The following PDZRN4 variants were observed in gnomAD, a reference collection of about 807,000 sequenced individuals.
PDZRN4 encodes PDZ domain containing ring finger 4, also known as PDZ domain-containing RING finger protein 4.
In PDZRN4, 70 loss-of-function variants were observed where a neutral mutation model predicts 99.0. That is an observed-to-expected ratio of 0.71 (90% CI 0.58 to 0.86). The LOEUF (loss-of-function observed/expected upper bound fraction) is 0.86, where lower values mean the gene tolerates loss of function less well. Ranked by LOEUF, PDZRN4 falls within the 40% of genes least tolerant of loss-of-function variation. The probability of loss-of-function intolerance (pLI) is 0.00; values close to 1 mark genes in which losing one functional copy is unlikely to be tolerated. For synonymous variants in PDZRN4, 551 were observed against 501.6 expected (o/e 1.10, Z -1.32); for missense variants, 1,474 against 1,331.2 (o/e 1.11, Z -1.67).
At chr12:41,377,037 T>G (rs1221405185) in intron 3 of PDZRN4, among the ~76,000 whole-genome samples, 1 of 152,198 alleles carries the variant, frequency 6.6e-6, no homozygotes, top group East Asian at 1.9e-4. Flanking sequence ...TAGTTGACTA[T>G]ATATGCCTGG....
chr12:41,287,041 C>T (rs112179236), intron 3 of PDZRN4, among the ~76,000 whole-genome samples: 2,544 of 152,036 alleles, frequency 0.017, 73 homozygotes, highest in African/African-American at 0.059. Flanking sequence ...AACTAATGTC[C>T]GCAGAGGACC....
intron 3 of PDZRN4, among the ~76,000 whole-genome samples, chr12:41,408,834 T>C (rs1952369553): frequency 6.6e-6 from 1 of 152,012 alleles, no homozygotes; most frequent in African/African-American, 2.4e-5. Flanking sequence ...TCTCACTCTC[T>C]CGCACTCTCT....
chr12:41,511,412 G>A (rs1938302462), intron 5 of PDZRN4, among the ~76,000 whole-genome samples: 1 of 151,916 alleles, frequency 6.6e-6, no homozygotes, highest in Non-Finnish European at 1.5e-5. Context: ...GATGTCAGTG[G>A]TGAATTCTCA....
At chr12:41,416,235 G>C (rs1477842271) in intron 3 of PDZRN4, among the ~76,000 whole-genome samples, 2 of 152,168 alleles carry the variant, frequency 1.3e-5, no homozygotes, top group African/African-American at 4.8e-5. Context: ...TTAAAGTGTG[G>C]TAAGTAAATT....
At chr12:41,194,586 G>A (rs934263852) in intron 3 of PDZRN4, among the ~76,000 whole-genome samples, 1 of 152,216 alleles carries the variant, frequency 6.6e-6, no homozygotes, top group Non-Finnish European at 1.5e-5. Context: ...GGTCAAGGCT[G>A]TGGTGAGCTG....
intron 3 of PDZRN4, among the ~76,000 whole-genome samples, chr12:41,205,394 AAGGTTCTTAAGCTATTCAATG>A (rs368538986): frequency 2.2e-4 from 34 of 151,824 alleles, no homozygotes; most frequent in African/African-American, 7.7e-4. Flanking sequence ...GATAAAATGT[AAGGTTCTTAAGCTATTCAATG>A]AGGTCCTGCC....
intron 3 of PDZRN4, among the ~76,000 whole-genome samples, chr12:41,394,455 A>G (rs1952232101): frequency 6.6e-6 from 1 of 152,200 alleles, no homozygotes; most frequent in Admixed American, 6.5e-5. Context: ...TTAAGTTTCA[A>G]TTATTGCATA....
intron 3 of PDZRN4, among the ~76,000 whole-genome samples, chr12:41,301,864 G>A (rs1951538278): frequency 6.6e-6 from 1 of 152,006 alleles, no homozygotes; most frequent in South Asian, 2.1e-4. Context: ...GTGGTCTCAG[G>A]CAAGTTATTT....
chr12:41,429,454 T>C (rs549158551), intron 3 of PDZRN4, among the ~76,000 whole-genome samples: 65 of 152,312 alleles, frequency 4.3e-4, no homozygotes, highest in African/African-American at 1.5e-3. Context: ...ACCTGGAAGT[T>C]AATTTTAGAC....
At chr12:41,523,697 T>C (rs573676487) in intron 5 of PDZRN4, among the ~76,000 whole-genome samples, 7 of 151,942 alleles carry the variant, frequency 4.6e-5, no homozygotes, top group Middle Eastern at 3.4e-3. Flanking sequence ...AGGAAGAAAA[T>C]AGTGTGAAAT....
At chr12:41,499,995 G>A (rs2120655369) in intron 3 of PDZRN4, among the ~76,000 whole-genome samples, 1 of 152,048 alleles carries the variant, frequency 6.6e-6, no homozygotes, top group South Asian at 2.1e-4. Flanking sequence ...ATTGGTAGAG[G>A]CAAATCCCAA....
intron 3 of PDZRN4, among the ~76,000 whole-genome samples, chr12:41,426,569 T>C (rs946779487): frequency 6.6e-6 from 1 of 152,200 alleles, no homozygotes; most frequent in Non-Finnish European, 1.5e-5. Context: ...TCCATTCAAT[T>C]AACAGTGTGA....
At chr12:41,301,475 A>G (rs1287508285) in intron 3 of PDZRN4, among the ~76,000 whole-genome samples, 1 of 152,056 alleles carries the variant, frequency 6.6e-6, no homozygotes, top group Non-Finnish European at 1.5e-5. Flanking sequence ...ATATAAGGAT[A>G]TAAGGATAAG....
At chr12:41,440,661 A>G (rs1452210059) in intron 3 of PDZRN4, among the ~76,000 whole-genome samples, 2 of 152,164 alleles carry the variant, frequency 1.3e-5, no homozygotes, top group Non-Finnish European at 2.9e-5. Context: ...AGTTGGGCCA[A>G]TCAGGCTCCA....
At chr12:41,270,877 A>G (rs1263745535) in intron 3 of PDZRN4, among the ~76,000 whole-genome samples, 1 of 152,154 alleles carries the variant, frequency 6.6e-6, no homozygotes, top group Admixed American at 6.6e-5. Context: ...TATTTTAATG[A>G]GAAGTGCTCT....
intron 3 of PDZRN4, among the ~76,000 whole-genome samples, chr12:41,370,591 A>C (rs2121078121): frequency 6.6e-6 from 1 of 151,980 alleles, no homozygotes; most frequent in East Asian, 1.9e-4. Context: ...TTTTTCTACA[A>C]TGAGGAATCT....
At chr12:41,333,408 A>T (rs979402512) in intron 3 of PDZRN4, among the ~76,000 whole-genome samples, 2 of 152,056 alleles carry the variant, frequency 1.3e-5, no homozygotes, top group African/African-American at 4.8e-5. Context: ...GTGAAATTCA[A>T]AATGATGGAA....
At chr12:41,213,887 A>C (rs1487087679) in intron 3 of PDZRN4, among the ~76,000 whole-genome samples, 2 of 152,040 alleles carry the variant, frequency 1.3e-5, no homozygotes, top group Admixed American at 1.3e-4. Flanking sequence ...TAGAAGAGTC[A>C]CTGACCCTCT....
intron 7 of PDZRN4, among the ~76,000 whole-genome samples, chr12:41,562,214 T>A (rs1939282163): frequency 2.6e-5 from 4 of 152,058 alleles, no homozygotes; most frequent in African/African-American, 9.7e-5. Flanking sequence ...ATATATATAT[T>A]TTTACTATTA....
Sources: gnomAD v4.1 joint callset for allele counts (sites outside exome capture counted in the v4.1 genomes callset) on GRCh38, gnomAD v4.1.1 for gene constraint, MANE v1.5 for transcripts, NCBI Gene and HGNC (gene_info 2026-07-23, HGNC 2026-07-21) for gene names.